Variants in HGF observed in about 807,000 individuals in gnomAD.
HGF encodes fibroblast-derived tumor cytotoxic factor.
A neutral mutation model predicts 111.6 loss-of-function variants in HGF; 39 were observed. That is an observed-to-expected ratio of 0.35 (90% confidence interval 0.27 to 0.46). The LOEUF (loss-of-function observed/expected upper bound fraction) is 0.46. HGF is among the 20% of genes least tolerant of loss of function. The pLI, the probability that HGF is intolerant of heterozygous loss-of-function variation, is 1.00. For synonymous variants in HGF, 285 were observed against 294.8 expected (o/e 0.97, Z 0.34); for missense variants, 735 against 910.5 (o/e 0.81, Z 2.48).
intron 5 of HGF, among the ~76,000 whole-genome samples, chr7:81,746,300 T>G (rs530327974): frequency 6.6e-6 from 1 of 152,292 alleles, no homozygotes; most frequent in African/African-American, 2.4e-5. Flanking sequence ...CTTCATTTGA[T>G]ACTGAGATTT....
At chr7:81,723,611 A>G (rs1789929967) in intron 9 of HGF, among the ~76,000 whole-genome samples, 1 of 151,078 alleles carries the variant, frequency 6.6e-6, no homozygotes, top group African/African-American at 2.4e-5. Flanking sequence ...AACATTTTAA[A>G]GAAATTCTGT....
intron 4 of HGF, chr7:81,756,294 G>A (rs1788766293): frequency 2.0e-6 from 1 of 497,060 alleles, no homozygotes; most frequent in Non-Finnish European, 3.5e-6. Context: ...CTCATTACAA[G>A]TAAATGAGAT....
chr7:81,742,885 T>G (rs774438294), intron 7 of HGF: 6 of 1,610,986 alleles, frequency 3.7e-6, no homozygotes, highest in Non-Finnish European at 5.1e-6. Flanking sequence ...CTCATTATTC[T>G]TCACTGCAGC....
chr7:81,732,311 C>T lies in HGF; in HGVS notation c.866-2532G>A, dbSNP rs138692283. 2.2e-4 allele frequency among the ~76,000 whole-genome samples: 33 copies of T among 152,174 alleles called. 1 individual carries two copies. In the East Asian group the frequency reaches 6.4e-3, roughly 29 times the overall value. ...TAATATTCAGATATGATTAAGGATT[C>T]GAACATTGTTGAAATTTCTAAATAT... On this transcript the variant is annotated intron_variant, in intron 7 of 17. Transcript: ENST00000222390.
intron 3 of HGF, 107 bp downstream of exon 3, chr7:81,758,576 AATATCTCAT>A (rs1205108989): frequency 2.9e-6 from 2 of 692,582 alleles, no homozygotes; most frequent in Non-Finnish European, 5.2e-6. Flanking sequence ...GACTACATAA[AATATCTCAT>A]ATATAGTAGA....
chr7:81,734,581 T>G (rs4732404), intron 7 of HGF, among the ~76,000 whole-genome samples: 124,945 of 151,966 alleles, frequency 0.82, 51,834 homozygotes, highest in African/African-American at 0.93. Flanking sequence ...TAATTCTTGG[T>G]ACAACCATCT....
At chr7:81,759,655 C>T (rs1186917994) in intron 2 of HGF, among the ~76,000 whole-genome samples, 1 of 152,092 alleles carries the variant, frequency 6.6e-6, no homozygotes, top group South Asian at 2.1e-4. Context: ...CAGGTGCCCA[C>T]CACCACGCCT....
chr7:81,711,071 G>A (rs1789559305), intron 12 of HGF, among the ~76,000 whole-genome samples: 1 of 152,156 alleles, frequency 6.6e-6, no homozygotes. Context: ...ATGCAGAGAA[G>A]TTTACAAATA....
At chr7:81,746,792 G>T (rs1583981438) in intron 5 of HGF, among the ~76,000 whole-genome samples, 1 of 151,970 alleles carries the variant, frequency 6.6e-6, no homozygotes, top group Admixed American at 6.6e-5. Flanking sequence ...CATTTTAATG[G>T]TTTTAAGAAA....
At chr7:81,754,277 G>A (rs980026457) in intron 4 of HGF, among the ~76,000 whole-genome samples, 1 of 151,890 alleles carries the variant, frequency 6.6e-6, no homozygotes, top group Non-Finnish European at 1.5e-5. Flanking sequence ...TATATATTAA[G>A]ATTATTTAAG....
intron 5 of HGF, among the ~76,000 whole-genome samples, chr7:81,747,069 T>A (rs1454957083): frequency 6.6e-6 from 1 of 152,202 alleles, no homozygotes; most frequent in East Asian, 1.9e-4. Flanking sequence ...CCAGGCACGG[T>A]GGCTCACGCC....
intron 7 of HGF, among the ~76,000 whole-genome samples, chr7:81,738,216 C>T (rs1219722131): frequency 2.0e-5 from 3 of 151,984 alleles, no homozygotes; most frequent in Non-Finnish European, 4.4e-5. Context: ...ACATTTATGC[C>T]TGAATTTAAA....
At chr7:81,742,306 G>A (rs1788039569) in intron 7 of HGF, among the ~76,000 whole-genome samples, 1 of 152,108 alleles carries the variant, frequency 6.6e-6, no homozygotes, top group Non-Finnish European at 1.5e-5. Context: ...ACCATAGTGT[G>A]GATAATATTC....
intron 4 of HGF, among the ~76,000 whole-genome samples, chr7:81,753,028 C>A (rs1489516860): frequency 6.6e-6 from 1 of 152,074 alleles, no homozygotes; most frequent in Non-Finnish European, 1.5e-5. Flanking sequence ...AACAGAATTG[C>A]TTATTCTCTT....
chr7:81,716,495 AT>A (rs5745728), intron 11 of HGF, among the ~76,000 whole-genome samples: 1 of 151,828 alleles, frequency 6.6e-6, no homozygotes, highest in Non-Finnish European at 1.5e-5. Context: ...TGTCTTAAAC[AT>A]TTTTTTCCTA....
At chr7:81,768,379 T>C in intron 1 of HGF, among the ~76,000 whole-genome samples, 1 of 151,840 alleles carries the variant, frequency 6.6e-6, no homozygotes, top group Non-Finnish European at 1.5e-5. Flanking sequence ...CTGTGAAGCA[T>C]TTTTTTCTTC....
chr7:81,767,089 A>G (rs2116271695), intron 1 of HGF, among the ~76,000 whole-genome samples: 1 of 152,232 alleles, frequency 6.6e-6, no homozygotes, highest in South Asian at 2.1e-4. Context: ...GATACTGACT[A>G]TTCTACCATC....
chr7:81,712,817 A>C (rs1042325649), intron 11 of HGF, among the ~76,000 whole-genome samples: 15 of 152,202 alleles, frequency 9.9e-5, no homozygotes, highest in African/African-American at 3.6e-4. Context: ...ATTGTTATTT[A>C]TGAGGATAGT....
intron 10 of HGF, among the ~76,000 whole-genome samples, chr7:81,718,171 A>G (rs1789762300): frequency 6.6e-6 from 1 of 152,176 alleles, no homozygotes; most frequent in South Asian, 2.1e-4. Flanking sequence ...TTAATGTGTC[A>G]TTTTAAATAA....
Sources: gnomAD v4.1 joint callset for allele counts (sites outside exome capture counted in the v4.1 genomes callset) on GRCh38, gnomAD v4.1.1 for gene constraint, MANE v1.5 for transcripts, NCBI Gene and HGNC (gene_info 2026-07-23, HGNC 2026-07-21) for gene names.